CSMD1: variants seen among roughly 807,000 people sequenced by gnomAD.
CSMD1 encodes CUB and sushi domain-containing protein 1.
A neutral mutation model predicts 417.5 loss-of-function variants in CSMD1; 213 were observed. The ratio of observed to expected loss-of-function variants is 0.51; its 90% confidence interval spans 0.46 to 0.57. The LOEUF (loss-of-function observed/expected upper bound fraction) is 0.57. Ranked by LOEUF, CSMD1 falls within the 20% of genes least tolerant of loss-of-function variation. The pLI, the probability that CSMD1 is intolerant of heterozygous loss-of-function variation, is 0.00. For missense variants in CSMD1, 6,923 were observed against 4,529.7 expected (o/e 1.53, Z -15.17); for synonymous variants, 2,862 against 1,736.8 (o/e 1.65, Z -16.11).
At chr8:3,869,844 T>C (rs1249592087) in intron 5 of CSMD1, among the ~76,000 whole-genome samples, 2 of 151,930 alleles carry the variant, frequency 1.3e-5, no homozygotes, top group Admixed American at 6.5e-5. Context: ...TCACATTCCA[T>C]GCTTTTATGA....
intron 12 of CSMD1, among the ~76,000 whole-genome samples, chr8:3,437,163 G>C (rs573927901): frequency 6.6e-6 from 1 of 152,134 alleles, no homozygotes; most frequent in Non-Finnish European, 1.5e-5. Context: ...GCAATTGTGT[G>C]AATTTATCAT....
intron 26 of CSMD1, among the ~76,000 whole-genome samples, chr8:3,253,352 T>C (rs1004854279): frequency 1.3e-5 from 2 of 152,238 alleles, no homozygotes; most frequent in African/African-American, 4.8e-5. Flanking sequence ...AGTGAGTTTC[T>C]TATTTCTGAG....
intron 3 of CSMD1, among the ~76,000 whole-genome samples, chr8:4,317,213 A>C (rs577949842): frequency 1.6e-4 from 24 of 152,280 alleles, no homozygotes; most frequent in African/African-American, 4.6e-4. Context: ...TTTTATTTAC[A>C]TAACAATCTG....
chr8:4,717,432 A>T (rs1808740765), intron 1 of CSMD1, among the ~76,000 whole-genome samples: 1 of 150,854 alleles, frequency 6.6e-6, no homozygotes, highest in South Asian at 2.1e-4. Flanking sequence ...ATATATACAC[A>T]TACACTATAT....
At chr8:3,362,062 T>C (rs903073730) in intron 20 of CSMD1, among the ~76,000 whole-genome samples, 1 of 151,812 alleles carries the variant, frequency 6.6e-6, no homozygotes, top group Non-Finnish European at 1.5e-5. Context: ...TTGGAGTTTA[T>C]CCTTTTTTTC....
intron 1 of CSMD1, among the ~76,000 whole-genome samples, chr8:4,818,045 T>C (rs920753997): frequency 6.6e-6 from 1 of 152,204 alleles, no homozygotes; most frequent in Non-Finnish European, 1.5e-5. Flanking sequence ...CAGCACTTTT[T>C]ATATATGAAT....
At chr8:3,542,550 C>G (rs966831214) in intron 10 of CSMD1, among the ~76,000 whole-genome samples, 2 of 152,064 alleles carry the variant, frequency 1.3e-5, no homozygotes, top group African/African-American at 2.4e-5. Flanking sequence ...GGAAGGAACA[C>G]GGAACAGGGT....
Position 3,751,732 on chromosome 8 carries a change from G to A in CSMD1, c.931+2198C>T, listed in dbSNP as rs181656770. ...TTCTTATATCTACCATCTTGGAGCA[G>A]CTTCAAAGTTGATATTCCATTTTTA... On this transcript the variant is annotated intron_variant, in intron 6 of 69. Coordinates refer to ENST00000635120, the MANE Select transcript of CSMD1 (RefSeq NM_033225.6). 2.6e-4 allele frequency among the ~76,000 whole-genome samples: 40 copies of A among 152,084 alleles called. No homozygotes were observed. The East Asian group carries it at 7.5e-3, about 29-fold the overall frequency.
In CSMD1 at chr8:4,266,190, G is replaced by C. The variant is rs1350693114; in HGVS notation, c.415+153763C>G. ...AAAACCCAGTGTTATTCACCAAGTT[G>C]GAGGTTTTTTACGTTATTTTTTCTA... is the stretch of plus-strand genomic sequence containing the variant. On this transcript the variant is annotated intron_variant, in intron 3 of 69. Coordinates refer to ENST00000635120, the MANE Select transcript of CSMD1 (RefSeq NM_033225.6). 8.6e-5 allele frequency among the ~76,000 whole-genome samples: 9 copies of C among 104,302 alleles called. 2 individuals carry two copies. Among genetic ancestry groups the C allele is most frequent in the African/African-American group, 2.4e-4 (9 of 38,254 alleles). The allele number at this position is 104,302 out of a possible 152,430, so 68.4% of individuals were successfully genotyped here. A position where few individuals can be genotyped will look rare whatever the true frequency, so the allele number is the denominator to read the frequency against.
At chr8:3,858,072 G>A (rs539540764) in intron 5 of CSMD1, among the ~76,000 whole-genome samples, 1 of 152,322 alleles carries the variant, frequency 6.6e-6, no homozygotes, top group African/African-American at 2.4e-5. Flanking sequence ...TGTAAAGATA[G>A]CAATTTGTGA....
chr8:4,289,970 T>A (rs117937912), intron 3 of CSMD1, among the ~76,000 whole-genome samples: 84 of 152,336 alleles, frequency 5.5e-4, no homozygotes, highest in Non-Finnish European at 8.1e-4. Flanking sequence ...ACTCATTATT[T>A]CATTCAGCTT....
intron 5 of CSMD1, among the ~76,000 whole-genome samples, chr8:3,930,349 G>T (rs1028987775): frequency 3.3e-5 from 5 of 150,674 alleles, no homozygotes; most frequent in East Asian, 2.0e-4. Context: ...CCATAATAAA[G>T]AAATCAATGT....
intron 20 of CSMD1, among the ~76,000 whole-genome samples, chr8:3,360,965 C>T (rs1183829327): frequency 6.6e-6 from 1 of 151,980 alleles, no homozygotes; most frequent in Non-Finnish European, 1.5e-5. Flanking sequence ...ACACTTCCTT[C>T]ATCTCACTTA....
intron 5 of CSMD1, among the ~76,000 whole-genome samples, chr8:3,926,380 G>A (rs78075064): frequency 0.015 from 2,235 of 149,530 alleles, 61 homozygotes; most frequent in African/African-American, 0.051. Flanking sequence ...AGAAACAGGA[G>A]GGCAGTAAGA....
Position 4,994,698 on chromosome 8 carries a change from A to G in CSMD1, c.-282T>C, listed in dbSNP as rs1811664486. On this transcript the variant is annotated 5_prime_UTR_variant, in exon 1 of 70. Coordinates refer to ENST00000635120, the MANE Select transcript of CSMD1 (RefSeq NM_033225.6). The stretch of plus-strand genomic sequence containing the variant: ...ACGAGCGCCGGCCGAGCCGGGCAGG[A>G]AGGCACCAAGGCGGCGAGGCTGCGG... 3 of 376,036 alleles carry G rather than the reference A, an allele frequency of 8.0e-6. No individual in the cohort carries two copies. The highest frequency in any genetic ancestry group is 9.7e-5 in the East Asian group (2 of 20,556). The allele number at this position is 376,036 out of a possible 1,614,324, so 23.3% of individuals were successfully genotyped here.
intron 3 of CSMD1, among the ~76,000 whole-genome samples, chr8:4,185,699 A>T (rs937413911): frequency 6.6e-6 from 1 of 152,218 alleles, no homozygotes; most frequent in African/African-American, 2.4e-5. Flanking sequence ...GTTTGAAGAC[A>T]TGTACTGAAA....
At chr8:4,077,520 A>T (rs545251528) in intron 3 of CSMD1, among the ~76,000 whole-genome samples, 61 of 152,036 alleles carry the variant, frequency 4.0e-4, no homozygotes, top group Non-Finnish European at 7.6e-4. Flanking sequence ...CTTTTTTACC[A>T]TCACACTGAA....
intron 4 of CSMD1, among the ~76,000 whole-genome samples, chr8:4,006,049 A>C (rs1311471995): frequency 6.6e-6 from 1 of 152,250 alleles, no homozygotes; most frequent in Non-Finnish European, 1.5e-5. Context: ...AAAAGGAACT[A>C]TTCAAGGAAT....
intron 2 of CSMD1, among the ~76,000 whole-genome samples, chr8:4,606,397 T>C (rs1800869894): frequency 6.6e-6 from 1 of 152,050 alleles, no homozygotes; most frequent in Non-Finnish European, 1.5e-5. Context: ...AGGTGAGGCT[T>C]CTTGCTTGTT....
Sources: gnomAD v4.1 joint callset for allele counts (sites outside exome capture counted in the v4.1 genomes callset) on GRCh38, gnomAD v4.1.1 for gene constraint, MANE v1.5 for transcripts, NCBI Gene and HGNC (gene_info 2026-07-23, HGNC 2026-07-21) for gene names.